The following SMCO2 variants were observed in gnomAD, a reference collection of about 807,000 sequenced individuals.
SMCO2 encodes the protein single-pass membrane and coiled-coil domain-containing protein 2.
A neutral mutation model predicts 29.5 loss-of-function variants in SMCO2; 25 were observed. The ratio of observed to expected loss-of-function variants is 0.85; its 90% confidence interval spans 0.62 to 1.18. The LOEUF (loss-of-function observed/expected upper bound fraction) is 1.18. Among genes scored for constraint, SMCO2 ranks in the 50% most tolerant of loss-of-function variants. SMCO2 has a pLI of 0.00. For missense variants in SMCO2, 348 were observed against 344.5 expected, an observed-to-expected ratio of 1.01 and a Z score of -0.08; for synonymous variants, 117 against 123.3, an observed-to-expected ratio of 0.95 and a Z score of 0.34.
the SMCO2 span, among the ~76,000 whole-genome samples, chr12:27,435,294 C>T: frequency 4.8e-4 from 11 of 22,696 alleles, 1 homozygote; most frequent in Non-Finnish European, 3.0e-3. Context: ...CCCCCCCCCC[C>T]CCCCCCCCGG....
At chr12:27,488,712 T>C (rs1416370463) in intron 5 of SMCO2, among the ~76,000 whole-genome samples, 165 bp downstream of exon 6, 2 of 152,192 alleles carry the variant, frequency 1.3e-5, no homozygotes, top group Admixed American at 1.3e-4. Context: ...ACACTGCTTT[T>C]ATCTGATGAC....
the SMCO2 span, among the ~76,000 whole-genome samples, chr12:27,442,162 G>C: frequency 6.6e-6 from 1 of 151,978 alleles, no homozygotes; most frequent in Non-Finnish European, 1.5e-5. Flanking sequence ...AGACAAGCAT[G>C]AACAAGCCAA....
At chr12:27,490,984 A>G (rs1238102644) in intron 5 of SMCO2, among the ~76,000 whole-genome samples, 4 of 152,126 alleles carry the variant, frequency 2.6e-5, no homozygotes, top group African/African-American at 4.8e-5. Context: ...AAATAAATAA[A>G]TAGGTAAAAT....
the SMCO2 span, among the ~76,000 whole-genome samples, chr12:27,456,579 C>T: frequency 1.3e-5 from 2 of 151,966 alleles, no homozygotes; most frequent in South Asian, 2.1e-4. Flanking sequence ...CCACTGCACC[C>T]GACTATTGTG....
chr12:27,431,223 G>C, the SMCO2 span, among the ~76,000 whole-genome samples: 1 of 151,980 alleles, frequency 6.6e-6, no homozygotes, highest in African/African-American at 2.4e-5. Context: ...CGCCATGTTG[G>C]CCAGGCTGGT....
intron 5 of SMCO2, 123 bp downstream of exon 6, chr12:27,488,670 G>T: frequency 1.6e-6 from 1 of 615,188 alleles, no homozygotes; most frequent in Middle Eastern, 3.4e-4. Flanking sequence ...GTGCTCTCTG[G>T]TGGTCACGTC....
intron 4 of SMCO2, among the ~76,000 whole-genome samples, chr12:27,484,221 T>C (rs918850849): frequency 6.6e-6 from 1 of 152,098 alleles, no homozygotes; most frequent in African/African-American, 2.4e-5. Flanking sequence ...TGAAACCCCG[T>C]CTCTACTAAA....
chr12:27,471,136 C>T (rs1032290969), intron 2 of SMCO2, among the ~76,000 whole-genome samples: 16 of 152,006 alleles, frequency 1.1e-4, no homozygotes, highest in Admixed American at 9.2e-4. Flanking sequence ...TTTGCTAGTA[C>T]GTGTTTAAAA....
chr12:27,473,717 T>G (rs552215428), intron 3 of SMCO2, among the ~76,000 whole-genome samples: 1 of 152,356 alleles, frequency 6.6e-6, no homozygotes, highest in South Asian at 2.1e-4. Flanking sequence ...GCCAGTAGTT[T>G]ACGCAGACAT....
At position 27,475,614 on chromosome 12, in the gene SMCO2, A is replaced by G. The variant is rs768076900; in HGVS notation, c.362+701A>G. The G allele has an allele frequency of 1.5e-5, 23 of 1,549,910 alleles. No individual in the cohort carries two copies. Among genetic ancestry groups the G allele is most frequent in the Admixed American group, 2.0e-5 (1 of 50,642 alleles). Reference sequence around the variant, plus strand: ...AAGGGCATGTTCCTCAAGCTAAACTACTGGAACACAAAGATAGGTCTCCAG... The same window carrying G: ...AAGGGCATGTTCCTCAAGCTAAACTGCTGGAACACAAAGATAGGTCTCCAG... On this transcript the variant is annotated intron_variant, in intron 4 of 7. Coordinates refer to ENST00000298876, the Ensembl canonical transcript of SMCO2.
At chr12:27,449,190 A>G in the SMCO2 span, among the ~76,000 whole-genome samples, 125,582 of 152,206 alleles carry the variant, frequency 0.83, 52,486 homozygotes, top group Middle Eastern at 0.94. Flanking sequence ...TGATCACAAA[A>G]AAAACATAAT....
intron 7 of SMCO2, among the ~76,000 whole-genome samples, chr12:27,496,717 C>T (rs1393169201): frequency 6.6e-6 from 1 of 150,660 alleles, no homozygotes; most frequent in Non-Finnish European, 1.5e-5. Context: ...AGTCCTTTGC[C>T]CATTTTAAAG....
chr12:27,446,141 A>T, the SMCO2 span, among the ~76,000 whole-genome samples: 3 of 151,996 alleles, frequency 2.0e-5, no homozygotes, highest in Non-Finnish European at 4.4e-5. Context: ...TGACCTCGTA[A>T]TCCACCCACC....
chr12:27,425,035 A>C, the SMCO2 span: 1 of 152,102 alleles, frequency 6.6e-6, no homozygotes, highest in African/African-American at 2.4e-5. Context: ...ACTGACCTGG[A>C]AAGAAAACCT....
At position 27,501,144 on chromosome 12, in the gene SMCO2, C is replaced by T. The variant is rs527265606; in HGVS notation, c.684-779C>T. 1.0e-4 allele frequency among the ~76,000 whole-genome samples: 15 copies of T among 150,412 alleles called. 1 individual carries two copies. The highest frequency in any genetic ancestry group is 1.5e-4 in the Non-Finnish European group (10 of 67,838). ...TAAAAAAGCTTCTATTGGCCGGGCG[C>T]GGTGGCTCACGCCTGTAATCCCAGC... On this transcript the variant is annotated intron_variant, in intron 7 of 7. Coordinates refer to ENST00000298876, the Ensembl canonical transcript of SMCO2.
At chr12:27,467,653 T>C (rs1052794321) in intron 1 of SMCO2, among the ~76,000 whole-genome samples, 6 of 152,138 alleles carry the variant, frequency 3.9e-5, no homozygotes, top group African/African-American at 7.2e-5. Flanking sequence ...TTAAGACGCA[T>C]TGGGCATTAA....
At chr12:27,488,374 A>G in intron 4 of SMCO2, 86 bp from the exon 6 acceptor site, 1 of 855,330 alleles carries the variant, frequency 1.2e-6, no homozygotes, top group South Asian at 3.0e-5. Flanking sequence ...TGGGAATGGT[A>G]TTTCATTTTT....
intron 4 of SMCO2, among the ~76,000 whole-genome samples, chr12:27,485,920 G>A (rs1949685535): frequency 6.6e-6 from 1 of 152,172 alleles, no homozygotes; most frequent in Non-Finnish European, 1.5e-5. Context: ...ACTTAGAAGT[G>A]GTCTGACCCT....
chr12:27,465,123 C>T (rs1313254931), upstream of SMCO2, among the ~76,000 whole-genome samples: 6 of 151,400 alleles, frequency 4.0e-5, no homozygotes, highest in South Asian at 6.3e-4. Context: ...ACCCAGTACG[C>T]GAAGTGTGGT....
Sources: allele counts gnomAD v4.1 joint callset (sites outside exome capture counted in the v4.1 genomes callset), GRCh38; gene constraint gnomAD v4.1.1; transcripts MANE v1.5; gene names NCBI Gene and HGNC (gene_info 2026-07-23, HGNC 2026-07-21).